STIL: variants seen among roughly 807,000 people sequenced by gnomAD.
STIL encodes SCL-interrupting locus protein.
A neutral mutation model predicts 110.1 loss-of-function variants in STIL; 55 were observed. The observed-to-expected ratio is 0.50, with a 90% CI of 0.40 to 0.63. STIL has a LOEUF of 0.63. Ranked by LOEUF, STIL falls within the 20% of genes least tolerant of loss-of-function variation. The pLI is 0.00. For missense variants in STIL, 1,358 were observed against 1,530.0 expected (o/e 0.89, Z 1.87); for synonymous variants, 481 against 530.0 (o/e 0.91, Z 1.27).
At chr1:47,290,299 A>C (rs1645442883) in intron 8 of STIL, among the ~76,000 whole-genome samples, 1 of 152,230 alleles carries the variant, frequency 6.6e-6, no homozygotes, top group Admixed American at 6.5e-5. Context: ...AATATTGTTA[A>C]ACTTAAATGA....
intron 6 of STIL, 108 bp downstream of exon 6, chr1:47,299,797 A>T (rs1645750031): frequency 8.5e-7 from 1 of 1,170,964 alleles, no homozygotes; most frequent in Non-Finnish European, 1.2e-6. Context: ...TAACCAAGCC[A>T]CCATATCTCT....
chr1:47,255,719 C>T (rs762671447), intron 16 of STIL, among the ~76,000 whole-genome samples: 2 of 152,150 alleles, frequency 1.3e-5, no homozygotes, highest in Non-Finnish European at 2.9e-5. Context: ...TTCAAAAAGT[C>T]ACTCCAATTG....
intron 16 of STIL, among the ~76,000 whole-genome samples, chr1:47,256,991 A>T (rs899171753): frequency 6.6e-6 from 1 of 152,060 alleles, no homozygotes; most frequent in African/African-American, 2.4e-5. Context: ...AGTACAAAAC[A>T]TCAATACACT....
At chr1:47,259,368 C>A (rs373909590) in intron 16 of STIL, among the ~76,000 whole-genome samples, 2 of 139,700 alleles carry the variant, frequency 1.4e-5, no homozygotes, top group South Asian at 4.8e-4. Flanking sequence ...CGGCTCACTG[C>A]GACCTCTGCC....
At chr1:47,259,741 C>A (rs1264605236) in intron 16 of STIL, among the ~76,000 whole-genome samples, 1 of 152,068 alleles carries the variant, frequency 6.6e-6, no homozygotes, top group South Asian at 2.1e-4. Flanking sequence ...AGAAAATATG[C>A]CAGCCTTAAT....
Position 47,251,381 on chromosome 1 carries a change from C to T in STIL, c.3622G>A (p.Ala1208Thr), listed in dbSNP as rs934139887. ...GGCTTTTCAGTCAACTGCTGTTTTG[C>T]TTTTGTCTGCAAAACTTCATTTGTA... is the stretch of plus-strand genomic sequence containing the variant. ...NITNEVLQTK[A>T]KQQLTEKPAF... The change falls in exon 17 of 17, where the codon GCA (alanine) becomes ACA (threonine). Residue 1208 changes from alanine (A) to threonine (T), a missense_variant. Ala to Thr is a moderately conservative substitution (Grantham distance 58). Coordinates refer to ENST00000371877, the MANE Select transcript of STIL (RefSeq NM_001048166.1). The T allele has an allele frequency of 6.2e-7, 1 of 1,614,184 alleles. No homozygotes were observed. Among genetic ancestry groups the T allele is most frequent in the South Asian group, 1.1e-5 (1 of 91,084 alleles).
chr1:47,272,234 C>T lies in STIL; in HGVS notation c.2225G>A (p.Arg742His), dbSNP rs867409389. Residue 742 changes from arginine (R) to histidine (H), a missense_variant, in exon 13 of 17, where the codon CGT (arginine) becomes CAT (histidine). Transcript: ENST00000371877. ...QLRLLQAQIQ[R>H]LLEAQSLMPC... ...CATCAGAGACTGTGCTTCCAACAAACGCTGAATCTGTATCAATTAAAAACA... is the reference window on the plus strand; with the variant it reads ...CATCAGAGACTGTGCTTCCAACAAATGCTGAATCTGTATCAATTAAAAACA... 41 of 1,613,972 alleles carry T rather than the reference C, an allele frequency of 2.5e-5. No individual in the cohort carries two copies. The highest frequency in any genetic ancestry group is 5.0e-5 in the Admixed American group (3 of 59,984).
intron 10 of STIL, among the ~76,000 whole-genome samples, chr1:47,286,433 G>T (rs1380835372): frequency 2.0e-5 from 3 of 152,040 alleles, no homozygotes; most frequent in Non-Finnish European, 4.4e-5. Flanking sequence ...AAGAGGCCGG[G>T]TGTGGTGGCT....
At chr1:47,287,809 C>T in intron 9 of STIL, 149 bp from the exon 10 acceptor site, 1 of 630,448 alleles carries the variant, frequency 1.6e-6, no homozygotes, top group Admixed American at 2.9e-5. Flanking sequence ...GTCCAGTTCC[C>T]TGCTACATAA....
Position 47,280,282 on chromosome 1 carries a change from G to A in STIL, c.2176C>T (p.Leu726Phe), listed in dbSNP as rs528412865. ...MGLSPDAYRFLTEQDRQLRLL... is the reference protein window; with the variant it reads ...MGLSPDAYRFFTEQDRQLRLL... ...CTTAGCTGTCTGTCTTGTTCTGTGA[G>A]GAACCGATATGCATCTGGAGATAGT... The change falls in exon 12 of 17, where the codon CTC becomes TTC. Residue 726 changes from leucine (L) to phenylalanine (F), a missense_variant. By Grantham distance (22) the Leu-to-Phe change is conservative (BLOSUM62 0). Coordinates refer to ENST00000371877, the MANE Select transcript of STIL (RefSeq NM_001048166.1). 6.2e-7 allele frequency: 1 copy of A among 1,614,226 alleles called. No homozygotes were observed. The highest frequency in any genetic ancestry group is 8.5e-7 in the Non-Finnish European group (1 of 1,180,048).
intron 8 of STIL, among the ~76,000 whole-genome samples, chr1:47,291,620 T>C (rs966965231): frequency 9.2e-5 from 14 of 151,862 alleles, no homozygotes; most frequent in Non-Finnish European, 1.8e-4. Context: ...GGCTGGAGTG[T>C]AGTGGTGCGA....
chr1:47,251,460 A>G lies in STIL; in HGVS notation c.3543T>C (p.Cys1181=). ...PSKNDHEIIN[C]SNCESVGTNA... The stretch of plus-strand genomic sequence containing the variant: ...TGGTCCCCACAGATTCACAGTTAGA[A>G]CAATTAATTATTTCATGGTCATTCT... Residue 1181 remains cysteine, a synonymous_variant, in exon 17 of 17, where the codon TGT becomes TGC. Transcript: ENST00000371877. 6.2e-7 allele frequency: 1 copy of G among 1,614,218 alleles called. No homozygotes were observed.
intron 8 of STIL, among the ~76,000 whole-genome samples, chr1:47,292,933 C>G (rs1645537020): frequency 1.3e-5 from 2 of 152,128 alleles, no homozygotes; most frequent in African/African-American, 4.8e-5. Context: ...GAGACAAATA[C>G]TGACAAAGAT....
chr1:47,288,207 A>G (rs930762416), intron 9 of STIL, among the ~76,000 whole-genome samples: 7 of 151,804 alleles, frequency 4.6e-5, no homozygotes, highest in African/African-American at 1.7e-4. Flanking sequence ...ATGTACTTTT[A>G]TTAGTCTGAG....
chr1:47,301,606 T>C lies in STIL; in HGVS notation c.408A>G (p.Arg136=), dbSNP rs917126912. 3 of 1,613,900 alleles carry C rather than the reference T, an allele frequency of 1.9e-6. No homozygotes were observed. The highest frequency in any genetic ancestry group is 2.5e-6 in the Non-Finnish European group (3 of 1,180,020). The change falls in exon 5 of 17, where the codon AGA becomes AGG. Residue 136 remains arginine, a synonymous_variant. Transcript: ENST00000371877. ...CATCTACACTGTGAACTATCATTTC[T>C]CTTGAACAAAGTTCTTGAGTATGAA... ...CKVHTQELCS[R]EMIVHSVDDF...
At chr1:47,290,620 G>A in intron 8 of STIL, among the ~76,000 whole-genome samples, 1 of 151,334 alleles carries the variant, frequency 6.6e-6, no homozygotes, top group East Asian at 1.9e-4. Flanking sequence ...GGAGAATGGC[G>A]TGAACCCGGG....
At chr1:47,309,660 G>A (rs943200312) in intron 2 of STIL, among the ~76,000 whole-genome samples, 1 of 152,118 alleles carries the variant, frequency 6.6e-6, no homozygotes, top group African/African-American at 2.4e-5. Flanking sequence ...GGGGAAAAAA[G>A]AGCAATAAAT....
intron 16 of STIL, among the ~76,000 whole-genome samples, chr1:47,259,369 G>C (rs911412071): frequency 7.4e-6 from 1 of 134,780 alleles, no homozygotes; most frequent in Non-Finnish European, 1.5e-5. Context: ...GGCTCACTGC[G>C]ACCTCTGCCT....
chr1:47,307,724 C>A (rs1013871794), intron 2 of STIL, among the ~76,000 whole-genome samples: 1 of 152,032 alleles, frequency 6.6e-6, no homozygotes, highest in Non-Finnish European at 1.5e-5. Flanking sequence ...AAACTCTGAC[C>A]GCCGGTGAGC....
Sources: gnomAD v4.1 joint callset for allele counts (sites outside exome capture counted in the v4.1 genomes callset) on GRCh38, gnomAD v4.1.1 for gene constraint, MANE v1.5 for transcripts, NCBI Gene and HGNC (gene_info 2026-07-23, HGNC 2026-07-21) for gene names.